Variants in HSD17B3 observed in about 807,000 individuals in gnomAD.
The protein encoded by HSD17B3 is 17-beta-hydroxysteroid dehydrogenase type 3.
HSD17B3 carries 29 observed loss-of-function variants against 41.1 expected under a neutral mutation model. That is an observed-to-expected ratio of 0.71 (90% confidence interval 0.53 to 0.96). The LOEUF (loss-of-function observed/expected upper bound fraction) is 0.96, where lower values mean the gene tolerates loss of function less well. Ranked by LOEUF, HSD17B3 falls within the 40% of genes least tolerant of loss-of-function variation. HSD17B3 has a pLI of 0.00. For missense variants in HSD17B3, 323 were observed against 374.6 expected (o/e 0.86, Z 1.14); for synonymous variants, 126 against 145.6 (o/e 0.87, Z 0.97).
Position 96,260,293 on chromosome 9 carries a change from C to G in HSD17B3, c.202-5350G>C, listed in dbSNP as rs570620747. ...GTCTAGATAATTTATAAAACATGTA[C>G]GGGATCAACTTGTCCCAGGAGCTTC... On this transcript the variant is annotated intron_variant, in intron 2 of 10. Coordinates refer to ENST00000375263, the MANE Select transcript of HSD17B3 (RefSeq NM_000197.2). 6.6e-5 allele frequency among the ~76,000 whole-genome samples: 10 copies of G among 152,280 alleles called. No homozygotes were observed. In the South Asian group the frequency reaches 2.1e-3, roughly 32 times the overall value.
At chr9:96,236,579 A>G (rs1836247503) in intron 10 of HSD17B3, among the ~76,000 whole-genome samples, 1 of 151,738 alleles carries the variant, frequency 6.6e-6, no homozygotes, top group Non-Finnish European at 1.5e-5. Context: ...AGAGAATCAG[A>G]AAGGCTTTCC....
intron 2 of HSD17B3, among the ~76,000 whole-genome samples, chr9:96,275,736 A>G (rs1826425661): frequency 6.6e-6 from 1 of 152,198 alleles, no homozygotes; most frequent in African/African-American, 2.4e-5. Flanking sequence ...CAATGAAGAA[A>G]AAGCAATAAT....
At chr9:96,271,120 A>C (rs111965573) in intron 2 of HSD17B3, among the ~76,000 whole-genome samples, 29 of 152,312 alleles carry the variant, frequency 1.9e-4, no homozygotes, top group African/African-American at 6.7e-4. Context: ...AATTATTTGC[A>C]AAAAGAAAAA....
intron 2 of HSD17B3, among the ~76,000 whole-genome samples, chr9:96,292,506 C>A (rs975635948): frequency 6.6e-6 from 1 of 152,128 alleles, no homozygotes; most frequent in Non-Finnish European, 1.5e-5. Context: ...CACCATCATG[C>A]CCAGCTAATT....
At chr9:96,279,732 G>A (rs964556568) in intron 2 of HSD17B3, among the ~76,000 whole-genome samples, 4 of 151,914 alleles carry the variant, frequency 2.6e-5, no homozygotes, top group African/African-American at 9.7e-5. Flanking sequence ...CCTGCTGTCT[G>A]TGATGTTGGT....
rs552994849 is a variant in HSD17B3 at position 96,273,778 on chromosome 9, T to A, written c.202-18835A>T. Among the ~76,000 whole-genome samples the A allele has an allele frequency of 5.3e-5, 8 of 152,202 alleles. No homozygotes were observed. The South Asian group carries it at 1.7e-3, about 32-fold the overall frequency. ...AAGACCCCACAATCTTTGCCAACAC[T>A]AACCCAAGCTGACTGCTTGGAGTCC... On this transcript the variant is annotated intron_variant, in intron 2 of 10. Transcript: ENST00000375263.
intron 9 of HSD17B3, among the ~76,000 whole-genome samples, chr9:96,241,997 GAA>G (rs1376050653): frequency 4.7e-5 from 6 of 128,686 alleles, no homozygotes; most frequent in South Asian, 5.0e-4. Flanking sequence ...AAGAAAGAAA[GAA>G]AGAAAGAGAA....
Position 96,249,791 on chromosome 9 carries a change from A to T in HSD17B3, c.454-5T>A. ...GATGTTACAATGGATGAGGCTCTGT[A>T]ATAAATAATCACAACCACACATCAG... On this transcript the variant is annotated splice_region_variant and splice_polypyrimidine_tract_variant and intron_variant, in intron 5 of 10. Coordinates refer to ENST00000375263, the MANE Select transcript of HSD17B3 (RefSeq NM_000197.2). 6.2e-7 allele frequency: 1 copy of T among 1,614,140 alleles called. No homozygotes were observed. Among genetic ancestry groups the T allele is most frequent in the Non-Finnish European group, 8.5e-7 (1 of 1,179,968 alleles).
Position 96,254,853 on chromosome 9 carries a change from TG to T in HSD17B3, c.277+14del, listed in dbSNP as rs773668544. The stretch of plus-strand genomic sequence containing the variant: ...GGGCTCCACACACATCTCCCTTATT[TG>T]GGGGGTCACTCACCGATCTCTGTGG... On this transcript the variant is annotated intron_variant, in intron 3 of 10. Transcript: ENST00000375263. 1.9e-6 allele frequency: 3 copies of T among 1,611,332 alleles called. No individual in the cohort carries two copies. Among genetic ancestry groups the T allele is most frequent in the Admixed American group, 3.3e-5 (2 of 59,940 alleles).
intron 2 of HSD17B3, among the ~76,000 whole-genome samples, chr9:96,286,701 AC>A (rs201462245): frequency 2.2e-5 from 3 of 136,562 alleles, no homozygotes; most frequent in African/African-American, 2.6e-5. Flanking sequence ...AAAAAAAAAA[AC>A]AAAAAAAAAA....
intron 2 of HSD17B3, among the ~76,000 whole-genome samples, chr9:96,281,603 G>A (rs2130777793): frequency 6.6e-6 from 1 of 152,310 alleles, no homozygotes; most frequent in Admixed American, 6.5e-5. Flanking sequence ...TGGCCCTACG[G>A]GATGTTAACT....
At chr9:96,287,102 C>T (rs1255135469) in intron 2 of HSD17B3, among the ~76,000 whole-genome samples, 2 of 152,092 alleles carry the variant, frequency 1.3e-5, no homozygotes, top group Non-Finnish European at 2.9e-5. Context: ...TGTGTAGAGA[C>T]GTCCACCCAA....
intron 2 of HSD17B3, among the ~76,000 whole-genome samples, chr9:96,284,215 TAAAAAAAAAAAAA>T (rs569621446): frequency 2.0e-5 from 2 of 100,198 alleles, no homozygotes; most frequent in Non-Finnish European, 3.9e-5. Flanking sequence ...GACTCCATCT[TAAAAAAAAAAAAA>T]AAAAAAAAAA....
At chr9:96,243,601 A>G (rs1198731034) in intron 9 of HSD17B3, among the ~76,000 whole-genome samples, 1 of 152,234 alleles carries the variant, frequency 6.6e-6, no homozygotes, top group Non-Finnish European at 1.5e-5. Flanking sequence ...TTCCCACACA[A>G]CAATAACAAA....
At chr9:96,267,687 C>T (rs1301828314) in intron 2 of HSD17B3, among the ~76,000 whole-genome samples, 2 of 151,352 alleles carry the variant, frequency 1.3e-5, no homozygotes, top group South Asian at 2.1e-4. Context: ...GAAAGGAAAG[C>T]AAAGGGGCAA....
intron 2 of HSD17B3, among the ~76,000 whole-genome samples, chr9:96,262,229 C>CTTTTTTTTT (rs71368240): frequency 2.2e-4 from 12 of 54,204 alleles, no homozygotes; most frequent in Admixed American, 6.8e-4. Context: ...ATGTCAATTG[C>CTTTTTTTTT]TTTTTTTTTT....
intron 2 of HSD17B3, among the ~76,000 whole-genome samples, chr9:96,264,498 G>A (rs1051081122): frequency 6.6e-6 from 1 of 152,146 alleles, no homozygotes; most frequent in Non-Finnish European, 1.5e-5. Flanking sequence ...TGACTCCAGG[G>A]TAGACCTGTT....
At chr9:96,250,134 A>T in intron 5 of HSD17B3, 2 of 1,269,306 alleles carry the variant, frequency 1.6e-6, no homozygotes, top group Non-Finnish European at 2.0e-6. Flanking sequence ...ATGTGAGTCC[A>T]GGAGAACAGA....
chr9:96,246,402 G>T, intron 7 of HSD17B3, 154 bp downstream of exon 7: 3 of 746,556 alleles, frequency 4.0e-6, no homozygotes, highest in East Asian at 2.6e-5. Context: ...AGAACGTTAT[G>T]TTTTTTTTCC....
Sources: allele counts gnomAD v4.1 joint callset (sites outside exome capture counted in the v4.1 genomes callset), GRCh38; gene constraint gnomAD v4.1.1; transcripts MANE v1.5; gene names NCBI Gene and HGNC (gene_info 2026-07-23, HGNC 2026-07-21).